The following DPP10 variants were observed in gnomAD, a reference collection of about 807,000 sequenced individuals.
DPP10 encodes dipeptidyl peptidase like 10, also known as inactive dipeptidyl peptidase 10.
Under a neutral mutation model 120.9 loss-of-function variants are expected in DPP10, and 33 were observed. That is an observed-to-expected ratio of 0.27 (90% CI 0.21 to 0.37). The LOEUF is 0.37. DPP10 is among the 10% of genes least tolerant of loss of function. The pLI, the probability that DPP10 is intolerant of heterozygous loss-of-function variation, is 1.00. For synonymous variants in DPP10, 337 were observed against 326.1 expected, an observed-to-expected ratio of 1.03 and a Z score of -0.36; for missense variants, 816 against 942.8, an observed-to-expected ratio of 0.87 and a Z score of 1.76.
chr2:115,529,181 G>A (rs981662483), intron 5 of DPP10, among the ~76,000 whole-genome samples: 6 of 151,288 alleles, frequency 4.0e-5, no homozygotes, highest in Admixed American at 2.0e-4. Context: ...TTTTCCGGTG[G>A]GAGGGAGGCC....
intron 1 of DPP10, among the ~76,000 whole-genome samples, chr2:114,591,552 C>CTTTTTTT (rs1388048473): frequency 7.8e-6 from 1 of 128,512 alleles, no homozygotes; most frequent in Non-Finnish European, 1.6e-5. Context: ...CAACCTCTTC[C>CTTTTTTT]TATTTTTTTT....
chr2:114,766,700 T>A (rs1158207672), intron 1 of DPP10, among the ~76,000 whole-genome samples: 2 of 152,206 alleles, frequency 1.3e-5, no homozygotes, highest in Non-Finnish European at 2.9e-5. Context: ...TTGTATAATT[T>A]CATTTATGTA....
rs551094911 is a variant in DPP10 at position 114,449,471 on chromosome 2, T to A, written c.60+6633T>A. ...CTTCATAGCACTCTGATGTTTTTCT[T>A]TTTTTTTTTTTTTATAGTTACCACT... is the stretch of plus-strand genomic sequence containing the variant. On this transcript the variant is annotated intron_variant, in intron 1 of 25. Transcript: ENST00000410059. Among the ~76,000 whole-genome samples the A allele has an allele frequency of 4.1e-4, 46 of 111,948 alleles. 1 individual carries two copies. In the South Asian group the frequency reaches 0.013, roughly 33 times the overall value. The allele number at this position is 111,948 out of a possible 152,430, so 73.4% of individuals were successfully genotyped here. A position where few individuals can be genotyped will look rare whatever the true frequency, so the allele number is the denominator to read the frequency against.
In DPP10 at chr2:115,346,434, G is replaced by A. The variant is rs561828787; in HGVS notation, c.271+2522G>A. On this transcript the variant is annotated intron_variant, in intron 3 of 25. Transcript: ENST00000410059. ...TCAAGGGGAAGGAGGGAGTCTAGACGGCCCTGACATGTGTAGGTTATAGTG... is the reference window on the plus strand; with the variant it reads ...TCAAGGGGAAGGAGGGAGTCTAGACAGCCCTGACATGTGTAGGTTATAGTG... Among the ~76,000 whole-genome samples the A allele has an allele frequency of 7.2e-5, 11 of 152,132 alleles. No homozygotes were observed. The South Asian group carries it at 1.2e-3, about 17-fold the overall frequency.
chr2:115,423,849 AT>A (rs1284232012), intron 3 of DPP10, among the ~76,000 whole-genome samples: 1 of 151,802 alleles, frequency 6.6e-6, no homozygotes, highest in African/African-American at 2.4e-5. Flanking sequence ...TCTATTTGCT[AT>A]TTTTTTTCTA....
chr2:114,835,414 A>C (rs572925858), intron 1 of DPP10: 1 of 152,226 alleles, frequency 6.6e-6, no homozygotes, highest in Admixed American at 6.5e-5. Flanking sequence ...ACACCTATGT[A>C]TATATAAGAC....
Position 115,568,199 on chromosome 2 carries a change from A to AG in DPP10, c.441+42227_441+42228insG, listed in dbSNP as rs527299318. On this transcript the variant is annotated intron_variant, in intron 5 of 25. Transcript: ENST00000410059. ...GTCTCAAAAAAAAGAAAAAAAAAAA[A>AG]AAAGACTGGGAGCAGTGGCTCTCGC... Among the ~76,000 whole-genome samples the AG allele has an allele frequency of 8.2e-3, 1,198 of 145,790 alleles. 5 individuals carry two copies. Among genetic ancestry groups the AG allele is most frequent in the Non-Finnish European group, 0.013 (840 of 66,272 alleles).
intron 1 of DPP10, among the ~76,000 whole-genome samples, chr2:114,848,187 CT>C (rs1688687404): frequency 6.6e-6 from 1 of 152,124 alleles, no homozygotes; most frequent in African/African-American, 2.4e-5. Flanking sequence ...GACAAAGAAG[CT>C]TGTCATCTAC....
chr2:114,813,387 C>G (rs949898108), intron 1 of DPP10, among the ~76,000 whole-genome samples: 10 of 152,088 alleles, frequency 6.6e-5, no homozygotes, highest in African/African-American at 2.4e-4. Flanking sequence ...GATTTGTAAA[C>G]AGGAATAAAA....
intron 1 of DPP10, among the ~76,000 whole-genome samples, chr2:114,659,148 A>G (rs1697197356): frequency 1.3e-5 from 2 of 152,180 alleles, no homozygotes; most frequent in Non-Finnish European, 2.9e-5. Context: ...CTGTGAACCA[A>G]TTAAACTTCT....
chr2:115,320,475 C>T (rs1370910262), intron 2 of DPP10, among the ~76,000 whole-genome samples: 1 of 151,538 alleles, frequency 6.6e-6, no homozygotes, highest in African/African-American at 2.4e-5. Context: ...CTTCTTTGAT[C>T]TCTTCTCATT....
At chr2:115,598,943 T>G (rs2083154156) in intron 5 of DPP10, among the ~76,000 whole-genome samples, 1 of 151,834 alleles carries the variant, frequency 6.6e-6, no homozygotes, top group Non-Finnish European at 1.5e-5. Flanking sequence ...CATTTTAAAT[T>G]ATGAGATGAG....
At chr2:114,798,734 T>C (rs1320922837) in intron 1 of DPP10, among the ~76,000 whole-genome samples, 4 of 152,324 alleles carry the variant, frequency 2.6e-5, no homozygotes, top group Admixed American at 1.3e-4. Context: ...TCTGGTTACA[T>C]AGATGTGGTC....
intron 1 of DPP10, among the ~76,000 whole-genome samples, chr2:114,522,502 A>G (rs1336782865): frequency 1.3e-5 from 2 of 152,218 alleles, no homozygotes; most frequent in African/African-American, 4.8e-5. Flanking sequence ...ATAGGACTAA[A>G]AAAACACTCT....
intron 3 of DPP10, among the ~76,000 whole-genome samples, chr2:115,406,479 TGATG>T (rs2068517470): frequency 6.6e-6 from 1 of 151,770 alleles, no homozygotes; most frequent in African/African-American, 2.4e-5. Context: ...GTAAGGGAGG[TGATG>T]GATATGGTAA....
chr2:114,526,096 C>T (rs980432453), intron 1 of DPP10, among the ~76,000 whole-genome samples: 2 of 152,158 alleles, frequency 1.3e-5, no homozygotes, highest in African/African-American at 2.4e-5. Flanking sequence ...AAGAGAAATG[C>T]TCTTTGGCAA....
chr2:115,086,444 A>G (rs1382433938), intron 1 of DPP10, among the ~76,000 whole-genome samples: 3 of 141,828 alleles, frequency 2.1e-5, no homozygotes, highest in Admixed American at 7.7e-5. Flanking sequence ...AACCAAATCA[A>G]TGTATTTCTT....
chr2:115,402,046 G>C (rs1559547700), intron 3 of DPP10, among the ~76,000 whole-genome samples: 1 of 152,102 alleles, frequency 6.6e-6, no homozygotes, highest in Non-Finnish European at 1.5e-5. Flanking sequence ...AAATGTCCCA[G>C]AACTCAGGAG....
intron 1 of DPP10, among the ~76,000 whole-genome samples, chr2:114,544,033 TAA>T (rs879493611): frequency 2.1e-5 from 3 of 144,302 alleles, no homozygotes; most frequent in Non-Finnish European, 1.5e-5. Flanking sequence ...ATATAGCAGT[TAA>T]AAAAAAAAAA....
Sources: gnomAD v4.1 joint callset for allele counts (sites outside exome capture counted in the v4.1 genomes callset) on GRCh38, gnomAD v4.1.1 for gene constraint, MANE v1.5 for transcripts, NCBI Gene and HGNC (gene_info 2026-07-23, HGNC 2026-07-21) for gene names.